DLGAP2: variants seen among roughly 807,000 people sequenced by gnomAD.
DLGAP2 encodes DLG associated protein 2.
Under a neutral mutation model 100.3 loss-of-function variants are expected in DLGAP2, and 26 were observed. The ratio of observed to expected loss-of-function variants is 0.26; its 90% confidence interval spans 0.19 to 0.36. The LOEUF (loss-of-function observed/expected upper bound fraction) is 0.36, where lower values mean the gene tolerates loss of function less well. DLGAP2 is among the 10% of genes least tolerant of loss of function. The pLI is 1.00. For synonymous variants in DLGAP2, 886 were observed against 630.1 expected (o/e 1.41, Z -6.08); for missense variants, 1,858 against 1,453.2 (o/e 1.28, Z -4.53).
intron 3 of DLGAP2, among the ~76,000 whole-genome samples, chr8:1,371,498 G>T (rs112820219): frequency 3.3e-5 from 5 of 152,172 alleles, no homozygotes; most frequent in African/African-American, 1.2e-4. Flanking sequence ...GTCACTGCAG[G>T]TTTAATATGC....
In DLGAP2 at chr8:1,230,661, C is replaced by A. The variant is rs191337313; in HGVS notation, c.74-28190C>A. ...CATGGCACTGGTACAAAAACAGACACATAAACCAACAGAACAGAATATACA... is the reference window on the plus strand; with the variant it reads ...CATGGCACTGGTACAAAAACAGACAAATAAACCAACAGAACAGAATATACA... On this transcript the variant is annotated intron_variant, in intron 2 of 14. Coordinates refer to ENST00000637795, the MANE Select transcript of DLGAP2 (RefSeq NM_001346810.2). Among the ~76,000 whole-genome samples the A allele has an allele frequency of 5.3e-5, 8 of 152,192 alleles. No homozygotes were observed. The East Asian group carries it at 1.4e-3, about 26-fold the overall frequency.
At chr8:801,881 T>C (rs1322070120) in intron 1 of DLGAP2, among the ~76,000 whole-genome samples, 4 of 149,760 alleles carry the variant, frequency 2.7e-5, no homozygotes. Context: ...CCTGACCCTG[T>C]TGTCTTCACT....
At chr8:1,652,503 G>C (rs9644260) in intron 8 of DLGAP2, among the ~76,000 whole-genome samples, 83,981 of 152,040 alleles carry the variant, frequency 0.55, 23,721 homozygotes, top group African/African-American at 0.67. Context: ...CCTTAGCACT[G>C]CTGCCCACTT....
At chr8:1,383,299 C>G (rs968372569) in intron 3 of DLGAP2, among the ~76,000 whole-genome samples, 3 of 152,158 alleles carry the variant, frequency 2.0e-5, no homozygotes, top group African/African-American at 4.8e-5. Flanking sequence ...TTCAAATTCT[C>G]AAATATGGAA....
rs529417019 is a variant in DLGAP2 at position 1,090,718 on chromosome 8, G to A, written c.74-168133G>A. On this transcript the variant is annotated intron_variant, in intron 2 of 14. Coordinates refer to ENST00000637795, the MANE Select transcript of DLGAP2 (RefSeq NM_001346810.2). ...GTCTGCTGACTCCAGGGCACCCTGG[G>A]GTTTGTTTTCTGTTTCCAAGTTTTT... 2.6e-5 allele frequency among the ~76,000 whole-genome samples: 4 copies of A among 152,242 alleles called. No individual in the cohort carries two copies. In the South Asian group the frequency reaches 8.3e-4, roughly 32 times the overall value.
At chr8:1,146,169 A>C (rs1444591440) in intron 2 of DLGAP2, among the ~76,000 whole-genome samples, 1 of 152,192 alleles carries the variant, frequency 6.6e-6, no homozygotes, top group African/African-American at 2.4e-5. Context: ...GCCTCTCCAC[A>C]GGAGCCCCTG....
chr8:925,416 T>C (rs1016764314), intron 2 of DLGAP2, among the ~76,000 whole-genome samples: 5 of 152,208 alleles, frequency 3.3e-5, no homozygotes, highest in African/African-American at 1.2e-4. Flanking sequence ...TGGTTGTCTC[T>C]GGGCTGAAGT....
intron 6 of DLGAP2, among the ~76,000 whole-genome samples, chr8:1,620,174 A>G (rs1414126537): frequency 6.6e-6 from 1 of 152,082 alleles, no homozygotes; most frequent in Non-Finnish European, 1.5e-5. Context: ...TCATTTCTGC[A>G]CCCATATCCA....
chr8:1,168,121 A>C (rs1177386263), intron 2 of DLGAP2, among the ~76,000 whole-genome samples: 3 of 142,900 alleles, frequency 2.1e-5, no homozygotes, highest in East Asian at 4.2e-4. Context: ...TATGAGTGAG[A>C]ATCTGCGGTG....
At chr8:1,202,110 CATCTGTGT>C (rs1427549892) in intron 2 of DLGAP2, among the ~76,000 whole-genome samples, 7 of 151,528 alleles carry the variant, frequency 4.6e-5, no homozygotes, top group African/African-American at 2.4e-5. Flanking sequence ...ATGTGTACAG[CATCTGTGT>C]ATCTGTGTGT....
chr8:924,109 G>A (rs1006608089), intron 2 of DLGAP2, among the ~76,000 whole-genome samples: 1 of 152,190 alleles, frequency 6.6e-6, no homozygotes, highest in Non-Finnish European at 1.5e-5. Context: ...TTTGGAGGGA[G>A]CTTCATGGAA....
chr8:994,058 C>G (rs1800713540), intron 2 of DLGAP2, among the ~76,000 whole-genome samples: 3 of 152,120 alleles, frequency 2.0e-5, no homozygotes, highest in African/African-American at 2.4e-5. Context: ...GTTGCGTAGA[C>G]AGTACTATGG....
At chr8:1,524,359 C>T (rs1034736225) in intron 4 of DLGAP2, among the ~76,000 whole-genome samples, 2 of 152,164 alleles carry the variant, frequency 1.3e-5, no homozygotes, top group African/African-American at 4.8e-5. Flanking sequence ...CTACCCCCAG[C>T]TGTGCTTCCA....
intron 3 of DLGAP2, among the ~76,000 whole-genome samples, chr8:1,259,190 G>C (rs1272728700): frequency 6.6e-6 from 1 of 152,190 alleles, no homozygotes; most frequent in East Asian, 1.9e-4. Flanking sequence ...GCTGATACAG[G>C]CTTGTTGGCT....
At chr8:1,235,280 G>A (rs1053835319) in intron 2 of DLGAP2, among the ~76,000 whole-genome samples, 19 of 140,344 alleles carry the variant, frequency 1.4e-4, no homozygotes, top group Admixed American at 2.8e-4. Context: ...CTCACATGGC[G>A]TCGTGTCTAG....
intron 2 of DLGAP2, among the ~76,000 whole-genome samples, chr8:1,201,560 C>T (rs567183501): frequency 8.5e-5 from 13 of 152,324 alleles, no homozygotes; most frequent in South Asian, 8.3e-4. Flanking sequence ...GGATATAGAT[C>T]GCTTTAGACA....
At chr8:1,332,145 G>A (rs1328536698) in intron 3 of DLGAP2, among the ~76,000 whole-genome samples, 1 of 151,874 alleles carries the variant, frequency 6.6e-6, no homozygotes, top group Non-Finnish European at 1.5e-5. Context: ...GTGTAGAAAT[G>A]GGGGTGTGTG....
At chr8:1,012,237 C>A (rs1801310798) in intron 2 of DLGAP2, among the ~76,000 whole-genome samples, 1 of 152,224 alleles carries the variant, frequency 6.6e-6, no homozygotes, top group Admixed American at 6.5e-5. Context: ...TGACTTCCAT[C>A]TTTGACAGGC....
intron 2 of DLGAP2, among the ~76,000 whole-genome samples, chr8:1,117,435 C>G (rs10097966): frequency 0.99 from 150,601 of 152,352 alleles, 74,507 homozygotes; most frequent in Middle Eastern, 1. Context: ...GTCAGATTCA[C>G]AGAGAAGAAA....
Sources: gnomAD v4.1 joint callset for allele counts (sites outside exome capture counted in the v4.1 genomes callset) on GRCh38, gnomAD v4.1.1 for gene constraint, MANE v1.5 for transcripts, NCBI Gene and HGNC (gene_info 2026-07-23, HGNC 2026-07-21) for gene names.